ZNF791: variants seen among roughly 807,000 people sequenced by gnomAD.
ZNF791 encodes the protein zinc finger protein 791.
In ZNF791, 4 loss-of-function variants were observed where a neutral mutation model predicts 11.5. That is an observed-to-expected ratio of 0.35 (90% CI 0.17 to 0.80). ZNF791 has a LOEUF of 0.80. Ranked by LOEUF, ZNF791 falls within the 30% of genes least tolerant of loss-of-function variation. The probability of loss-of-function intolerance (pLI) is 0.53; values close to 1 mark genes in which losing one functional copy is unlikely to be tolerated. For synonymous variants in ZNF791, 212 were observed against 228.1 expected (o/e 0.93, Z 0.64); for missense variants, 559 against 699.4 (o/e 0.80, Z 2.26).
chr19:12,612,032 C>T (rs1332139581), intron 1 of ZNF791, among the ~76,000 whole-genome samples: 1 of 152,040 alleles, frequency 6.6e-6, no homozygotes, highest in Non-Finnish European at 1.5e-5. Flanking sequence ...GTTAAAAATT[C>T]TTTGTTCTTT....
chr19:12,622,833 G>T (rs542239788), intron 1 of ZNF791, among the ~76,000 whole-genome samples: 5 of 150,314 alleles, frequency 3.3e-5, no homozygotes, highest in African/African-American at 1.2e-4. Context: ...GGCGGAGGTT[G>T]CAGTGAGCCG....
At chr19:12,617,190 G>T (rs1462548251) in intron 1 of ZNF791, among the ~76,000 whole-genome samples, 1 of 148,408 alleles carries the variant, frequency 6.7e-6, no homozygotes, top group Non-Finnish European at 1.5e-5. Flanking sequence ...CAGTGGTGCA[G>T]TCTTGGCTCA....
In ZNF791 at chr19:12,628,812, G is replaced by A. The variant is rs763636807; in HGVS notation, c.1283G>A (p.Arg428Gln). The change falls in exon 4 of 4, where the codon CGA becomes CAA. Residue 428 changes from arginine (R) to glutamine (Q), a missense_variant. Physicochemically the swap from Arg to Gln is conservative, Grantham distance 43. Transcript: ENST00000343325. ...ACCTTCATTTCTCTTGAGAACTTTC[G>A]AAGACACATGATCACCCACACTGGA... ...AKTFISLENF[R>Q]RHMITHTGDG... 1.1e-5 allele frequency: 18 copies of A among 1,613,906 alleles called. No homozygotes were observed. Among genetic ancestry groups the A allele is most frequent in the South Asian group, 2.2e-5 (2 of 91,070 alleles).
rs1276320549 is a variant in ZNF791 at position 12,631,684 on chromosome 19, A to G, written c.*2424A>G. 1 of 152,186 alleles carries G rather than the reference A, an allele frequency of 6.6e-6. No homozygotes were observed. The highest frequency in any genetic ancestry group is 1.5e-5 in the Non-Finnish European group (1 of 68,042). 9.4% of individuals were successfully genotyped at this position (152,186 alleles called of 1,614,324 possible). ...GAGGTGGAGGCTGCAGTGAGCTGAG[A>G]TTGTGCCACTACACTCCAGCCTGGG... On this transcript the variant is annotated 3_prime_UTR_variant, in exon 4 of 4. Transcript: ENST00000343325.
chr19:12,621,342 G>T (rs1276652614), intron 1 of ZNF791, among the ~76,000 whole-genome samples: 1 of 152,040 alleles, frequency 6.6e-6, no homozygotes, highest in Non-Finnish European at 1.5e-5. Context: ...AGTTGTGAGG[G>T]CCCCTTCCTT....
rs769302092 is a variant in ZNF791, at chr19:12,628,748, A to G, written c.1219A>G (p.Thr407Ala). The change falls in exon 4 of 4, where the codon ACT becomes GCT. Residue 407 changes from threonine to alanine, a missense_variant. Thr to Ala is a moderately conservative substitution (Grantham distance 58). Transcript: ENST00000343325. ...TTTGAAAATCCACAAGAGAAATCAC[A>G]CTGGAGAAAAACCCTATGAGTGTAA... ...LDLKIHKRNH[T>A]GEKPYECKEC... The G allele has an allele frequency of 3.1e-5, 49 of 1,604,342 alleles. No homozygotes were observed. Among genetic ancestry groups the G allele is most frequent in the Non-Finnish European group, 4.1e-5 (48 of 1,176,752 alleles).
Position 12,621,503 on chromosome 19 carries a change from G to A in ZNF791, c.4-2197G>A, listed in dbSNP as rs1002196162. Among the ~76,000 whole-genome samples, 15 of 141,042 alleles carry A rather than the reference G, an allele frequency of 1.1e-4. No individual in the cohort carries two copies. The East Asian group carries it at 2.0e-3, about 19-fold the overall frequency. The allele number at this position is 141,042 out of a possible 152,430, so 92.5% of individuals were successfully genotyped here. On this transcript the variant is annotated intron_variant, in intron 1 of 3. Transcript: ENST00000343325. ...CAACACATAGGGATATATATATATC[G>A]GAAACAAGTTGAAATTAATACGTCT...
At chr19:12,626,293 G>A (rs565894743) in intron 3 of ZNF791, among the ~76,000 whole-genome samples, 6 of 150,000 alleles carry the variant, frequency 4.0e-5, no homozygotes, top group Middle Eastern at 3.4e-3. Flanking sequence ...GGGATTACAG[G>A]CGTGAGCCAC....
At chr19:12,620,793 C>T (rs2023330573) in intron 1 of ZNF791, among the ~76,000 whole-genome samples, 1 of 129,290 alleles carries the variant, frequency 7.7e-6, no homozygotes, top group Non-Finnish European at 1.5e-5. Flanking sequence ...TAGAGTCTCG[C>T]TCTGTTGCCC....
chr19:12,623,258 T>TA (rs2023380360), intron 1 of ZNF791: 1 of 158,766 alleles, frequency 6.3e-6, no homozygotes, highest in African/African-American at 2.4e-5. Flanking sequence ...ACAAAATACT[T>TA]ACCTAGGTGT....
intron 1 of ZNF791, among the ~76,000 whole-genome samples, chr19:12,611,359 A>C (rs2023153440): frequency 6.6e-6 from 1 of 152,200 alleles, no homozygotes; most frequent in Admixed American, 6.5e-5. Flanking sequence ...GAGGAGCTAC[A>C]GTCTGGGGTT....
In ZNF791 at chr19:12,623,869, T is replaced by TGG. The variant is rs752075223; in HGVS notation, c.130+43_130+44insGG. 9.9e-5 allele frequency: 82 copies of TGG among 828,366 alleles called. 11 individuals are homozygous for TGG. Among genetic ancestry groups the TGG allele is most frequent in the South Asian group, 5.0e-4 (28 of 55,846 alleles). 51.3% of individuals were successfully genotyped at this position (828,366 alleles called of 1,614,324 possible). A position where few individuals can be genotyped will look rare whatever the true frequency, so the allele number is the denominator to read the frequency against. ...TTTTCTTTTTTCTTTTTTTTTTTTTTTGGGGGGGGACAGAGTTTCACTATT... is the reference window on the plus strand; with the variant it reads ...TTTTCTTTTTTCTTTTTTTTTTTTTTGGTGGGGGGGGACAGAGTTTCACTATT... On this transcript the variant is annotated intron_variant, in intron 2 of 3. Coordinates refer to ENST00000343325, the MANE Select transcript of ZNF791 (RefSeq NM_153358.3).
Position 12,610,920 on chromosome 19 carries a change from A to G in ZNF791, c.-160A>G, listed in dbSNP as rs2023145400. 6 of 1,056,216 alleles carry G rather than the reference A, an allele frequency of 5.7e-6. No homozygotes were observed. Among genetic ancestry groups the G allele is most frequent in the Non-Finnish European group, 8.7e-6 (6 of 691,022 alleles). 65.4% of individuals were successfully genotyped at this position (1,056,216 alleles called of 1,614,324 possible). A position where few individuals can be genotyped will look rare whatever the true frequency, so the allele number is the denominator to read the frequency against. The stretch of plus-strand genomic sequence containing the variant: ...AAAGGAGGGTACGGCTACGCTGCGC[A>G]AATGCGTGCTACGTCACTGTGCGAT... On this transcript the variant is annotated 5_prime_UTR_variant, in exon 1 of 4. Coordinates refer to ENST00000343325, the MANE Select transcript of ZNF791 (RefSeq NM_153358.3).
chr19:12,617,386 A>G (rs138264900), intron 1 of ZNF791, among the ~76,000 whole-genome samples: 2,363 of 152,146 alleles, frequency 0.016, 34 homozygotes, highest in Middle Eastern at 0.048. Flanking sequence ...GGCCCCCCAG[A>G]GTGCTGGGAT....
intron 1 of ZNF791, among the ~76,000 whole-genome samples, chr19:12,621,232 C>G (rs1024559273): frequency 6.6e-6 from 1 of 152,116 alleles, no homozygotes; most frequent in Admixed American, 6.6e-5. Flanking sequence ...CCAGAAAGTG[C>G]TCTTCTGACA....
intron 1 of ZNF791, among the ~76,000 whole-genome samples, chr19:12,611,599 C>G (rs185722969): frequency 2.0e-5 from 3 of 152,294 alleles, no homozygotes; most frequent in African/African-American, 7.2e-5. Flanking sequence ...TTCAAACACA[C>G]GCAGTATTTT....
At chr19:12,619,120 C>CCTTTGGG (rs2023293340) in intron 1 of ZNF791, among the ~76,000 whole-genome samples, 1 of 152,126 alleles carries the variant, frequency 6.6e-6, no homozygotes, top group Non-Finnish European at 1.5e-5. Context: ...CTAGGGATTA[C>CCTTTGGG]AGGCGTGAGC....
At chr19:12,611,136 C>T in intron 1 of ZNF791, 54 bp downstream of exon 1, 2 of 1,609,688 alleles carry the variant, frequency 1.2e-6, no homozygotes, top group Non-Finnish European at 1.7e-6. Context: ...GGGACCCGGG[C>T]CTCCCCACGG....
chr19:12,612,736 G>C lies in ZNF791; in HGVS notation c.3+1654G>C, dbSNP rs576675818. On this transcript the variant is annotated intron_variant, in intron 1 of 3. Coordinates refer to ENST00000343325, the MANE Select transcript of ZNF791 (RefSeq NM_153358.3). ...GGCCTCCCAAAATGCTGGGATTACA[G>C]GCATGAGCCACCACGCCAGGCCTTT... Among the ~76,000 whole-genome samples the C allele has an allele frequency of 5.0e-4, 75 of 150,658 alleles. 1 individual carries two copies. Among genetic ancestry groups the C allele is most frequent in the Admixed American group, 2.8e-3 (42 of 15,048 alleles).
Sources: allele counts gnomAD v4.1 joint callset (sites outside exome capture counted in the v4.1 genomes callset), GRCh38; gene constraint gnomAD v4.1.1; transcripts MANE v1.5; gene names NCBI Gene and HGNC (gene_info 2026-07-23, HGNC 2026-07-21).